Variants in KHDRBS2 observed in about 807,000 individuals in gnomAD.
The protein encoded by KHDRBS2 is KH RNA binding domain containing, signal transduction associated 2, also known as KH domain-containing, RNA-binding, signal transduction-associated protein 2.
Under a neutral mutation model 44.3 loss-of-function variants are expected in KHDRBS2, and 26 were observed. The ratio of observed to expected loss-of-function variants is 0.59; its 90% confidence interval spans 0.43 to 0.81. The LOEUF (loss-of-function observed/expected upper bound fraction) is 0.81, where lower values mean the gene tolerates loss of function less well. KHDRBS2 is among the 40% of genes least tolerant of loss of function. KHDRBS2 has a pLI of 0.00. For missense variants in KHDRBS2, 476 were observed against 433.1 expected (o/e 1.10, Z -0.88); for synonymous variants, 194 against 151.1 (o/e 1.28, Z -2.08).
At chr6:61,607,775 C>G in the KHDRBS2 span, among the ~76,000 whole-genome samples, 1 of 152,106 alleles carries the variant, frequency 6.6e-6, no homozygotes, top group African/African-American at 2.4e-5. Flanking sequence ...GCAACCTCCA[C>G]CTCCTGGGCT....
intron 4 of KHDRBS2, among the ~76,000 whole-genome samples, chr6:61,943,087 A>G (rs1283695183): frequency 6.6e-6 from 1 of 151,304 alleles, no homozygotes; most frequent in African/African-American, 2.4e-5. Flanking sequence ...AGAAAAAAGG[A>G]AAGAAAGAAA....
At chr6:62,110,000 A>G (rs1804630847) in intron 2 of KHDRBS2, among the ~76,000 whole-genome samples, 1 of 151,938 alleles carries the variant, frequency 6.6e-6, no homozygotes, top group African/African-American at 2.4e-5. Flanking sequence ...ATGAAAAGCC[A>G]GGTCATAAAA....
At chr6:61,583,953 CTGTT>C in the KHDRBS2 span, among the ~76,000 whole-genome samples, 1 of 151,348 alleles carries the variant, frequency 6.6e-6, no homozygotes, top group African/African-American at 2.4e-5. Flanking sequence ...TTTTGCATAA[CTGTT>C]TAATGTTTTG....
the KHDRBS2 span, among the ~76,000 whole-genome samples, chr6:61,577,010 A>G: frequency 2.0e-5 from 3 of 152,128 alleles, no homozygotes; most frequent in Non-Finnish European, 1.5e-5. Context: ...AGATGGGAGG[A>G]TAAGTCCAGT....
chr6:62,027,868 T>A (rs1403053661), intron 3 of KHDRBS2, among the ~76,000 whole-genome samples: 1 of 152,094 alleles, frequency 6.6e-6, no homozygotes, highest in African/African-American at 2.4e-5. Context: ...GATTTACCCT[T>A]TTATAACAAA....
the KHDRBS2 span, among the ~76,000 whole-genome samples, chr6:61,613,607 T>C: frequency 1.3e-5 from 2 of 151,838 alleles, no homozygotes; most frequent in Non-Finnish European, 2.9e-5. Context: ...TCTGCAGTCA[T>C]TACAATCTTG....
intron 2 of KHDRBS2, among the ~76,000 whole-genome samples, chr6:62,065,922 T>A (rs907798583): frequency 6.6e-6 from 1 of 151,814 alleles, no homozygotes; most frequent in African/African-American, 2.4e-5. Context: ...AAATAATTAT[T>A]TACTATGCTT....
intron 6 of KHDRBS2, among the ~76,000 whole-genome samples, chr6:61,893,621 CCAT>C (rs2127331655): frequency 6.6e-6 from 1 of 152,114 alleles, no homozygotes; most frequent in African/African-American, 2.4e-5. Flanking sequence ...AAGCTGGAAA[CCAT>C]CATTCTCAGC....
At chr6:61,617,657 G>A in the KHDRBS2 span, among the ~76,000 whole-genome samples, 1 of 152,060 alleles carries the variant, frequency 6.6e-6, no homozygotes, top group East Asian at 1.9e-4. Context: ...TCTATTTTGA[G>A]TATCTAATGT....
At chr6:61,893,177 C>T (rs1443232242) in intron 6 of KHDRBS2, among the ~76,000 whole-genome samples, 54 of 152,266 alleles carry the variant, frequency 3.5e-4, no homozygotes, top group East Asian at 1.4e-3. Context: ...ATCAAGGAAA[C>T]GCAAATCAAA....
intron 2 of KHDRBS2, among the ~76,000 whole-genome samples, chr6:62,138,421 A>G (rs1413599012): frequency 6.6e-6 from 1 of 152,228 alleles, no homozygotes; most frequent in Non-Finnish European, 1.5e-5. Context: ...AAATTATACC[A>G]TCAACTGTAA....
chr6:62,157,394 G>A (rs1416794832), intron 2 of KHDRBS2, among the ~76,000 whole-genome samples: 2 of 151,982 alleles, frequency 1.3e-5, no homozygotes, highest in African/African-American at 4.8e-5. Flanking sequence ...TTCAATATTT[G>A]TTTCATAGTT....
At chr6:62,242,042 T>C (rs1192926970) in intron 1 of KHDRBS2, among the ~76,000 whole-genome samples, 1 of 152,166 alleles carries the variant, frequency 6.6e-6, no homozygotes, top group Non-Finnish European at 1.5e-5. Context: ...TTGTAGTCTG[T>C]ATCAAATGAC....
At chr6:61,580,304 A>G in the KHDRBS2 span, among the ~76,000 whole-genome samples, 2 of 152,284 alleles carry the variant, frequency 1.3e-5, no homozygotes, top group African/African-American at 4.8e-5. Flanking sequence ...AAATGCACCA[A>G]TCATTACTCT....
At chr6:61,718,734 G>A (rs1771851112) in intron 7 of KHDRBS2, among the ~76,000 whole-genome samples, 1 of 152,070 alleles carries the variant, frequency 6.6e-6, no homozygotes, top group Non-Finnish European at 1.5e-5. Context: ...CTCTCCCACA[G>A]CTTTCTCTGT....
intron 2 of KHDRBS2, among the ~76,000 whole-genome samples, chr6:62,127,750 A>G (rs1425514525): frequency 1.3e-5 from 2 of 152,144 alleles, no homozygotes; most frequent in African/African-American, 2.4e-5. Context: ...TAAGAAGGCT[A>G]TATTTGTCTT....
At chr6:62,197,374 T>C (rs1437031857) in intron 1 of KHDRBS2, among the ~76,000 whole-genome samples, 1 of 152,096 alleles carries the variant, frequency 6.6e-6, no homozygotes, top group Non-Finnish European at 1.5e-5. Flanking sequence ...ATGGTTACAA[T>C]CAAATCAGCA....
chr6:61,601,768 C>T, the KHDRBS2 span, among the ~76,000 whole-genome samples: 1 of 152,022 alleles, frequency 6.6e-6, no homozygotes, highest in African/African-American at 2.4e-5. Context: ...TGAGCCAGGT[C>T]CCAATTCTTC....
At chr6:61,737,471 T>A (rs893642360) in intron 6 of KHDRBS2, among the ~76,000 whole-genome samples, 12 of 152,140 alleles carry the variant, frequency 7.9e-5, no homozygotes, top group Non-Finnish European at 1.5e-4. Context: ...AACAGTAAAC[T>A]ATCATTAGAC....
Sources: allele counts gnomAD v4.1 joint callset (sites outside exome capture counted in the v4.1 genomes callset), GRCh38; gene constraint gnomAD v4.1.1; transcripts MANE v1.5; gene names NCBI Gene and HGNC (gene_info 2026-07-23, HGNC 2026-07-21).